Variants in DAB1 observed in about 807,000 individuals in gnomAD.
The protein encoded by DAB1 is DAB adaptor protein 1, also known as disabled homolog 1.
Under a neutral mutation model 64.6 loss-of-function variants are expected in DAB1, and 15 were observed. The observed-to-expected ratio is 0.23, with a 90% CI of 0.16 to 0.36. The LOEUF (loss-of-function observed/expected upper bound fraction) is 0.36. Ranked by LOEUF, DAB1 falls within the 10% of genes least tolerant of loss-of-function variation. The pLI is 1.00. For synonymous variants in DAB1, 235 were observed against 251.9 expected (o/e 0.93, Z 0.64); for missense variants, 596 against 706.7 (o/e 0.84, Z 1.78).
At chr1:58,530,598 T>TA in intron 1 of DAB1, 1 of 871,596 alleles carries the variant, frequency 1.1e-6, no homozygotes, top group Non-Finnish European at 2.0e-6. Flanking sequence ...GTCTCAGACT[T>TA]ACCTCCTGCA....
At chr1:57,923,333 T>C (rs1418404365) in intron 5 of DAB1, among the ~76,000 whole-genome samples, 2 of 152,174 alleles carry the variant, frequency 1.3e-5, no homozygotes, top group Non-Finnish European at 2.9e-5. Flanking sequence ...TGGCCATATG[T>C]GATCAAACGC....
intron 3 of DAB1, among the ~76,000 whole-genome samples, chr1:58,479,538 C>T (rs1364710410): frequency 6.6e-6 from 1 of 152,180 alleles, no homozygotes. Flanking sequence ...TACTCTCCTA[C>T]ACTGCCTCAT....
At chr1:57,025,757 A>G (rs1646764319) in intron 10 of DAB1, among the ~76,000 whole-genome samples, 1 of 152,216 alleles carries the variant, frequency 6.6e-6, no homozygotes, top group Non-Finnish European at 1.5e-5. Context: ...GGTCTCGTTT[A>G]TTTCTCAAAA....
intron 4 of DAB1, among the ~76,000 whole-genome samples, chr1:58,179,202 A>G (rs189399582): frequency 6.6e-6 from 1 of 151,848 alleles, no homozygotes; most frequent in East Asian, 1.9e-4. Flanking sequence ...GTGAAGTAGA[A>G]TCTCTTTATC....
At chr1:57,871,483 C>A (rs916922002) in intron 1 of DAB1, among the ~76,000 whole-genome samples, 9 of 152,066 alleles carry the variant, frequency 5.9e-5, no homozygotes, top group African/African-American at 2.2e-4. Context: ...TTATTTAAAC[C>A]AGGTCATCTG....
intron 3 of DAB1, among the ~76,000 whole-genome samples, chr1:58,489,356 G>C (rs1645634852): frequency 6.6e-6 from 1 of 152,222 alleles, no homozygotes; most frequent in African/African-American, 2.4e-5. Flanking sequence ...TAGCACAGCA[G>C]TCTGAGATCA....
chr1:57,153,609 G>A (rs1475877217), intron 2 of DAB1, among the ~76,000 whole-genome samples: 1 of 141,718 alleles, frequency 7.1e-6, no homozygotes, highest in Non-Finnish European at 1.5e-5. Flanking sequence ...TTACATAGTA[G>A]GTATATGTAT....
At chr1:57,725,043 G>C (rs1284834370) in intron 6 of DAB1, among the ~76,000 whole-genome samples, 1 of 152,172 alleles carries the variant, frequency 6.6e-6, no homozygotes, top group Non-Finnish European at 1.5e-5. Context: ...TAAACTCGGT[G>C]CCAGGAGAGA....
At chr1:57,038,142 G>A (rs1647261439) in intron 9 of DAB1, among the ~76,000 whole-genome samples, 1 of 152,100 alleles carries the variant, frequency 6.6e-6, no homozygotes, top group Admixed American at 6.6e-5. Flanking sequence ...ACTAGACATA[G>A]TCCTTCCTTA....
chr1:57,655,031 T>A lies in DAB1; in HGVS notation n.552-5366A>T, dbSNP rs1646299755. Among the ~76,000 whole-genome samples the A allele has an allele frequency of 2.0e-5, 3 of 152,360 alleles. No individual in the cohort carries two copies. In the South Asian group the frequency reaches 6.2e-4, roughly 32 times the overall value. ...ATCATTTCTACTCTGAAATAATGCA[T>A]CTGTGATGACAAAGTTTCTACTACA... On this transcript the variant is annotated intron_variant and non_coding_transcript_variant, in intron 6 of 20. Coordinates refer to the DAB1 transcript ENST00000485760.
intron 5 of DAB1, among the ~76,000 whole-genome samples, chr1:58,064,105 T>C (rs1648683100): frequency 6.6e-6 from 1 of 152,114 alleles, no homozygotes; most frequent in Non-Finnish European, 1.5e-5. Context: ...GCTGGGGATT[T>C]GGAGAAACAG....
At chr1:57,813,938 T>A (rs1651742390) in intron 6 of DAB1, among the ~76,000 whole-genome samples, 1 of 152,224 alleles carries the variant, frequency 6.6e-6, no homozygotes, top group Admixed American at 6.5e-5. Flanking sequence ...AAAATAAATA[T>A]TTTTGTCCTT....
intron 7 of DAB1, among the ~76,000 whole-genome samples, chr1:57,600,664 C>T (rs539803928): frequency 2.6e-5 from 4 of 152,132 alleles, no homozygotes; most frequent in Non-Finnish European, 4.4e-5. Context: ...GCCTTCCTTT[C>T]CTAGCGCCTA....
rs17116254 is a variant in DAB1 at position 57,746,886 on chromosome 1, C to A, written n.552-97221G>T. Among the ~76,000 whole-genome samples, 94 of 151,570 alleles carry A rather than the reference C, an allele frequency of 6.2e-4. 1 individual carries two copies. Among genetic ancestry groups the A allele is most frequent in the Non-Finnish European group, 5.2e-4 (35 of 67,880 alleles). ...AATACCATTTTTTTTTTGTCTTTTA[C>A]GTACTGATTTAATGTTTCTCTGTGT... On this transcript the variant is annotated intron_variant and non_coding_transcript_variant, in intron 6 of 20. Transcript: ENST00000485760.
intron 1 of DAB1, among the ~76,000 whole-genome samples, chr1:57,379,371 T>G (rs1002462251): frequency 2.6e-4 from 39 of 152,208 alleles, no homozygotes; most frequent in Non-Finnish European, 3.4e-4. Context: ...GCCATAAGTA[T>G]TTGCCCAAGT....
chr1:57,137,219 G>A (rs1464553976), intron 3 of DAB1, among the ~76,000 whole-genome samples: 2 of 152,048 alleles, frequency 1.3e-5, no homozygotes, highest in Non-Finnish European at 2.9e-5. Flanking sequence ...CACTACCCTT[G>A]TTCCTCTCAT....
intron 1 of DAB1, among the ~76,000 whole-genome samples, chr1:57,844,588 C>T (rs1653194818): frequency 6.6e-6 from 1 of 152,202 alleles, no homozygotes; most frequent in Admixed American, 6.5e-5. Flanking sequence ...TATCACTTAT[C>T]CCATATTCCC....
intron 3 of DAB1, among the ~76,000 whole-genome samples, chr1:58,359,483 C>A (rs1644142991): frequency 6.6e-6 from 1 of 152,148 alleles, no homozygotes; most frequent in South Asian, 2.1e-4. Context: ...AGCTCTGAGG[C>A]ATTGCCTCAT....
At chr1:58,432,256 C>T (rs1315582844) in intron 3 of DAB1, among the ~76,000 whole-genome samples, 1 of 152,196 alleles carries the variant, frequency 6.6e-6, no homozygotes, top group Non-Finnish European at 1.5e-5. Flanking sequence ...GACACTCCAC[C>T]TAAAGTTCCT....
Sources: gnomAD v4.1 joint callset for allele counts (sites outside exome capture counted in the v4.1 genomes callset) on GRCh38, gnomAD v4.1.1 for gene constraint, MANE v1.5 for transcripts, NCBI Gene and HGNC (gene_info 2026-07-23, HGNC 2026-07-21) for gene names.